DMXL1: variants seen among roughly 807,000 people sequenced by gnomAD.
The protein encoded by DMXL1 is dmX-like protein 1.
A neutral mutation model predicts 319.2 loss-of-function variants in DMXL1; 99 were observed. The ratio of observed to expected loss-of-function variants is 0.31; its 90% confidence interval spans 0.26 to 0.37. The LOEUF (loss-of-function observed/expected upper bound fraction) is 0.37, where lower values mean the gene tolerates loss of function less well. Ranked by LOEUF, DMXL1 falls within the 10% of genes least tolerant of loss-of-function variation. The pLI is 1.00. For synonymous variants in DMXL1, 1,385 were observed against 1,235.2 expected (o/e 1.12, Z -2.54); for missense variants, 3,745 against 3,595.6 (o/e 1.04, Z -1.06).
At chr5:119,124,290 C>T (rs1394866813) in intron 9 of DMXL1, among the ~76,000 whole-genome samples, 1 of 150,606 alleles carries the variant, frequency 6.6e-6, no homozygotes, top group Non-Finnish European at 1.5e-5. Context: ...ACTCCAGCTT[C>T]CTGGGTGGCA....
chr5:119,147,272 T>C lies in DMXL1; in HGVS notation c.2713T>C (p.Ser905Pro). 6.2e-7 allele frequency: 1 copy of C among 1,613,200 alleles called. No homozygotes were observed. ...SLDEKVDTKL[S>P]EAVWQPEEHY... ...AGATGAAAAAGTAGATACAAAATTA[T>C]CCGAAGCGGTTTGGCAGCCAGAAGA... is the stretch of plus-strand genomic sequence containing the variant. The change falls in exon 17 of 44, where the codon TCC becomes CCC. Residue 905 changes from serine to proline, a missense_variant. Around this residue, in one of 4 missense-constraint regions of DMXL1, gnomAD observed 2,096 missense variants for 1,985.4 expected, o/e 1.06. Transcript: ENST00000539542.
At chr5:119,211,286 G>T (rs1782764873) in intron 34 of DMXL1, among the ~76,000 whole-genome samples, 1 of 152,006 alleles carries the variant, frequency 6.6e-6, no homozygotes, top group Admixed American at 6.6e-5. Flanking sequence ...ATTGACGAAG[G>T]TTCTGTCCTC....
intron 1 of DMXL1, among the ~76,000 whole-genome samples, chr5:119,076,339 C>G (rs1021466308): frequency 2.0e-5 from 3 of 151,678 alleles, no homozygotes; most frequent in African/African-American, 7.3e-5. Context: ...GTTTTGTTTA[C>G]TTTAAGGAAA....
At chr5:119,113,064 T>C (rs1376464855) in intron 5 of DMXL1, among the ~76,000 whole-genome samples, 1 of 152,208 alleles carries the variant, frequency 6.6e-6, no homozygotes, top group Non-Finnish European at 1.5e-5. Context: ...CTCTTTTTTG[T>C]TCTTGTTGCA....
intron 30 of DMXL1, among the ~76,000 whole-genome samples, chr5:119,194,845 A>G (rs1047501473): frequency 6.6e-6 from 1 of 152,212 alleles, no homozygotes; most frequent in Non-Finnish European, 1.5e-5. Context: ...ACTTGAGCGC[A>G]GGAGTTCAAG....
At chr5:119,223,073 T>TTG (rs1784916837) in intron 37 of DMXL1, among the ~76,000 whole-genome samples, 2 of 150,914 alleles carry the variant, frequency 1.3e-5, no homozygotes, top group South Asian at 4.2e-4. Flanking sequence ...TTTTTTTTTT[T>TTG]TGAGATGGAG....
chr5:119,110,154 G>C lies in DMXL1; in HGVS notation c.368G>C (p.Ser123Thr). 6.3e-7 allele frequency: 1 copy of C among 1,590,216 alleles called. No individual in the cohort carries two copies. The highest frequency in any genetic ancestry group is 8.5e-7 in the Non-Finnish European group (1 of 1,171,848). ...AHNITWDPTG[S>T]RLLTGSSYLQ... ...TGAGGAATAATATTTTTTTTAGGCAGTCGTCTTTTAACTGGTTCCAGCTAT... is the reference window on the plus strand; with the variant it reads ...TGAGGAATAATATTTTTTTTAGGCACTCGTCTTTTAACTGGTTCCAGCTAT... The change falls in exon 5 of 44, where the codon AGT (serine) becomes ACT (threonine). Residue 123 changes from serine to threonine, a missense_variant. Ser to Thr is a moderately conservative substitution (Grantham distance 58). Around this residue, in one of 4 missense-constraint regions of DMXL1, gnomAD observed 2,096 missense variants for 1,985.4 expected, o/e 1.06. Transcript: ENST00000539542.
intron 34 of DMXL1, among the ~76,000 whole-genome samples, chr5:119,211,045 T>G (rs1434064459): frequency 1.3e-5 from 2 of 151,744 alleles, no homozygotes; most frequent in African/African-American, 2.4e-5. Context: ...TGATCATCCT[T>G]TTTTCTTTTT....
intron 34 of DMXL1, 102 bp downstream of exon 34, chr5:119,206,998 T>C: frequency 3.1e-6 from 2 of 648,734 alleles, no homozygotes; most frequent in Non-Finnish European, 2.6e-6. Flanking sequence ...CCAATGGATT[T>C]AAAGTATTGT....
At chr5:119,161,670 C>T (rs993855883) in intron 19 of DMXL1, among the ~76,000 whole-genome samples, 1 of 152,130 alleles carries the variant, frequency 6.6e-6, no homozygotes, top group Non-Finnish European at 1.5e-5. Flanking sequence ...TTTGAACTCT[C>T]TGGTTGGGCA....
intron 28 of DMXL1, among the ~76,000 whole-genome samples, chr5:119,187,683 G>A (rs1777981536): frequency 6.6e-6 from 1 of 152,118 alleles, no homozygotes; most frequent in Non-Finnish European, 1.5e-5. Context: ...TTGTTTTTGA[G>A]ATGAAGTCTT....
chr5:119,137,502 T>C (rs1443677212), intron 13 of DMXL1, among the ~76,000 whole-genome samples: 1 of 152,186 alleles, frequency 6.6e-6, no homozygotes, highest in African/African-American at 2.4e-5. Context: ...GGTGGATTGA[T>C]ATGGTTTATT....
In DMXL1 at chr5:119,247,034, G is replaced by A. The variant is rs770291485; in HGVS notation, c.8962G>A (p.Val2988Ile). ...TACCTTTGGTCTTCTCCATACTTTT[G>A]TCAGTGAACATGCTCGGCAGTCCAT... ...LSTFGLLHTFVSEHARQSIFR... is the reference protein window; with the variant it reads ...LSTFGLLHTFISEHARQSIFR... Residue 2988 changes from valine (V) to isoleucine (I), a missense_variant, in exon 44 of 44, where the codon GTC (valine) becomes ATC (isoleucine). Around this residue, in one of 4 missense-constraint regions of DMXL1, gnomAD observed 262 missense variants for 320.5 expected, o/e 0.82. Coordinates refer to ENST00000539542, the MANE Select transcript of DMXL1 (RefSeq NM_001290321.3). 6.2e-7 allele frequency: 1 copy of A among 1,613,692 alleles called. No individual in the cohort carries two copies. Among genetic ancestry groups the A allele is most frequent in the East Asian group, 2.2e-5 (1 of 44,886 alleles).
intron 13 of DMXL1, among the ~76,000 whole-genome samples, chr5:119,134,968 G>T (rs139443697): frequency 2.6e-5 from 4 of 152,336 alleles, no homozygotes; most frequent in Admixed American, 6.5e-5. Flanking sequence ...GCCTTCGGCT[G>T]TACCAAGCTT....
chr5:119,134,527 G>C, intron 13 of DMXL1, 138 bp downstream of exon 13: 1 of 770,670 alleles, frequency 1.3e-6, no homozygotes. Flanking sequence ...TTTCACATTT[G>C]TACTCTTGTA....
At chr5:119,188,134 A>G (rs933706934) in intron 28 of DMXL1, among the ~76,000 whole-genome samples, 5 of 152,194 alleles carry the variant, frequency 3.3e-5, no homozygotes, top group Admixed American at 6.5e-5. Context: ...ATTTTTATCT[A>G]CCAGTGGGTC....
At chr5:119,171,428 A>G (rs986409993) in intron 24 of DMXL1, 148 bp downstream of exon 24, 1 of 803,022 alleles carries the variant, frequency 1.2e-6, no homozygotes, top group Non-Finnish European at 1.9e-6. Context: ...CATATTATGA[A>G]TTATAGAGTT....
At chr5:119,232,794 C>CAA (rs954249753) in intron 38 of DMXL1, among the ~76,000 whole-genome samples, 6 of 149,584 alleles carry the variant, frequency 4.0e-5, no homozygotes, top group African/African-American at 1.5e-4. Flanking sequence ...GGCAACACTG[C>CAA]AAGACCCTGT....
Position 119,118,896 on chromosome 5 carries a change from T to C in DMXL1, c.825T>C (p.Asp275=). 1 of 1,614,044 alleles carries C rather than the reference T, an allele frequency of 6.2e-7. No homozygotes were observed. Among genetic ancestry groups the C allele is most frequent in the Non-Finnish European group, 8.5e-7 (1 of 1,179,946 alleles). Residue 275 remains aspartate (D), a synonymous_variant, in exon 8 of 44, where the codon GAT becomes GAC. Transcript: ENST00000539542. ...GGGTAGAGACATTTTTACCAAATGATTGTTTGCTATACGGAGGTGACTGCA... is the reference window on the plus strand; with the variant it reads ...GGGTAGAGACATTTTTACCAAATGACTGTTTGCTATACGGAGGTGACTGCA... ...RLWVETFLPN[D]CLLYGGDCSH...
Sources: allele counts gnomAD v4.1 joint callset (sites outside exome capture counted in the v4.1 genomes callset), GRCh38; gene constraint gnomAD v4.1.1; regional missense constraint gnomAD v4.1.1; transcripts MANE v1.5; gene names NCBI Gene and HGNC (gene_info 2026-07-23, HGNC 2026-07-21).